SEC23IP: variants seen among roughly 807,000 people sequenced by gnomAD.
SEC23IP encodes the protein SEC23 interacting protein, also known as SEC23-interacting protein.
A neutral mutation model predicts 113.4 loss-of-function variants in SEC23IP; 70 were observed. That is an observed-to-expected ratio of 0.62 (90% CI 0.51 to 0.75). The LOEUF is 0.75. SEC23IP is among the 30% of genes least tolerant of loss of function. The pLI is 0.00. For missense variants in SEC23IP, 1,160 were observed against 1,204.9 expected, an observed-to-expected ratio of 0.96 and a Z score of 0.55; for synonymous variants, 398 against 421.0, an observed-to-expected ratio of 0.95 and a Z score of 0.67.
chr10:119,893,203 A>T (rs1054672731), intron 1 of SEC23IP, among the ~76,000 whole-genome samples: 14 of 152,144 alleles, frequency 9.2e-5, no homozygotes, highest in Non-Finnish European at 1.5e-4. Context: ...GGCATTCCGC[A>T]AATCTTTGCT....
chr10:119,940,388 C>T (rs1855926869), intron 18 of SEC23IP, among the ~76,000 whole-genome samples, 198 bp from the exon 19 acceptor site: 1 of 151,698 alleles, frequency 6.6e-6, no homozygotes, highest in South Asian at 2.1e-4. Flanking sequence ...GGGGTTTCAC[C>T]ATGTTAGTCA....
In SEC23IP at chr10:119,903,468, A is replaced by G. The variant is rs115082828; in HGVS notation, c.907+459A>G. Among the ~76,000 whole-genome samples, 426 of 152,336 alleles carry G rather than the reference A, an allele frequency of 2.8e-3. 3 individuals carry two copies. The highest frequency in any genetic ancestry group is 9.7e-3 in the African/African-American group (404 of 41,568). On this transcript the variant is annotated intron_variant, in intron 3 of 18. Transcript: ENST00000369075. ...AATGCTTTGAGAAGTCCTGCAGTGT[A>G]GAAATGTGTTTCTTTGTTTATCCTG...
At chr10:119,924,451 C>T (rs796414293) in intron 12 of SEC23IP, among the ~76,000 whole-genome samples, 25 of 151,848 alleles carry the variant, frequency 1.6e-4, no homozygotes, top group African/African-American at 3.6e-4. Context: ...GACGGAGTCC[C>T]GCTCTGTTGC....
rs1417340138 is a variant in SEC23IP, at chr10:119,942,424, G to A, written c.*1859G>A. 2 of 152,142 alleles carry A rather than the reference G, an allele frequency of 1.3e-5. No homozygotes were observed. Among genetic ancestry groups the A allele is most frequent in the Non-Finnish European group, 2.9e-5 (2 of 68,026 alleles). The allele number at this position is 152,142 out of a possible 1,614,324, so 9.4% of individuals were successfully genotyped here. On this transcript the variant is annotated 3_prime_UTR_variant, in exon 19 of 19. Transcript: ENST00000369075. ...AAAAACAGTAGATCCCCTGAGGGTAGAGTCTTTATGTATGAACATATTGTT... is the reference window on the plus strand; with the variant it reads ...AAAAACAGTAGATCCCCTGAGGGTAAAGTCTTTATGTATGAACATATTGTT...
At position 119,919,466 on chromosome 10, in the gene SEC23IP, C is replaced by G; in HGVS notation, c.1895C>G (p.Thr632Ser). The G allele has an allele frequency of 6.2e-7, 1 of 1,600,248 alleles. No individual in the cohort carries two copies. The highest frequency in any genetic ancestry group is 8.5e-7 in the Non-Finnish European group (1 of 1,176,582). ...EKQMPEEPKL[T>S]LDESYDLVVE... Reference sequence around the variant, plus strand: ...AAGATGCCTGAAGAGCCAAAGCTGACTTTGGATGAGTCGTATGACCTTGTT... The same window carrying G: ...AAGATGCCTGAAGAGCCAAAGCTGAGTTTGGATGAGTCGTATGACCTTGTT... Residue 632 changes from threonine to serine, a missense_variant, in exon 11 of 19, where the codon ACT (threonine) becomes AGT (serine). By Grantham distance (58) the Thr-to-Ser change is moderately conservative. Coordinates refer to ENST00000369075, the MANE Select transcript of SEC23IP (RefSeq NM_007190.4).
chr10:119,911,834 C>T (rs576879918), intron 5 of SEC23IP, among the ~76,000 whole-genome samples: 3 of 152,264 alleles, frequency 2.0e-5, no homozygotes, highest in South Asian at 2.1e-4. Context: ...TAATTTTCAA[C>T]ATAAGCATTG....
chr10:119,901,050 G>A (rs1455530646), intron 2 of SEC23IP, among the ~76,000 whole-genome samples: 7 of 143,658 alleles, frequency 4.9e-5, no homozygotes, highest in African/African-American at 1.3e-4. Context: ...AGAGTGGGGG[G>A]GGGGTCTTGC....
intron 15 of SEC23IP, 74 bp downstream of exon 15, chr10:119,930,505 C>T: frequency 1.2e-6 from 1 of 820,258 alleles, no homozygotes; most frequent in Non-Finnish European, 2.0e-6. Context: ...AATTTTGACA[C>T]TAAATCGTCT....
chr10:119,931,152 A>G (rs1268965499), intron 15 of SEC23IP, among the ~76,000 whole-genome samples: 1 of 151,898 alleles, frequency 6.6e-6, no homozygotes, highest in African/African-American at 2.4e-5. Flanking sequence ...TCATTTCTAA[A>G]TTGGAGTTTA....
Position 119,933,850 on chromosome 10 carries a change from G to C in SEC23IP, c.*20+63G>C. The C allele has an allele frequency of 3.8e-6, 3 of 799,160 alleles. No individual in the cohort carries two copies. In the South Asian group the frequency reaches 6.2e-5, roughly 16 times the overall value. 49.5% of individuals were successfully genotyped at this position (799,160 alleles called of 1,614,324 possible). On this transcript the variant is annotated intron_variant, in intron 18 of 18. Coordinates refer to ENST00000369075, the MANE Select transcript of SEC23IP (RefSeq NM_007190.4). ...TTTGCATTCTCAAATCTGTTGTATG[G>C]AGTTGATGTTGACTGATTTTGCTTT... is the stretch of plus-strand genomic sequence containing the variant.
intron 8 of SEC23IP, 74 bp downstream of exon 8, chr10:119,915,963 A>C: frequency 2.5e-6 from 3 of 1,213,406 alleles, no homozygotes; most frequent in Non-Finnish European, 2.2e-6. Context: ...AATATGAAAT[A>C]GTTTATTGTA....
chr10:119,909,009 T>C (rs757328831), intron 4 of SEC23IP, 32 bp from the exon 5 acceptor site: 20 of 1,422,528 alleles, frequency 1.4e-5, no homozygotes, highest in East Asian at 6.8e-5. Context: ...AAATTTGTCA[T>C]GTTGGAATAT....
intron 1 of SEC23IP, among the ~76,000 whole-genome samples, chr10:119,894,141 G>A (rs1854193520): frequency 6.6e-6 from 1 of 152,192 alleles, no homozygotes; most frequent in South Asian, 2.1e-4. Flanking sequence ...GCTAAGTATA[G>A]TGCGTGCCAG....
chr10:119,895,778 A>AT (rs1854262497), intron 1 of SEC23IP, among the ~76,000 whole-genome samples: 1 of 152,048 alleles, frequency 6.6e-6, no homozygotes, highest in African/African-American at 2.4e-5. Context: ...TGGGACAGGG[A>AT]TGGAGCTCAT....
In SEC23IP at chr10:119,917,859, C is replaced by G. The variant is rs765681617; in HGVS notation, c.1568C>G (p.Pro523Arg). The change falls in exon 9 of 19, where the codon CCA (proline) becomes CGA (arginine). Residue 523 changes from proline to arginine, a missense_variant. Transcript: ENST00000369075. ...AGGAATATTAAGAAAATCACTTTGC[C>G]AAGTATTGGTCGATTTCGTCACTTT... ...VDRNIKKITL[P>R]SIGRFRHFTN... The G allele has an allele frequency of 6.2e-7, 1 of 1,613,682 alleles. No homozygotes were observed. The highest frequency in any genetic ancestry group is 8.5e-7 in the Non-Finnish European group (1 of 1,179,752).
At chr10:119,922,376 G>A (rs1354024176) in intron 12 of SEC23IP, among the ~76,000 whole-genome samples, 1 of 152,170 alleles carries the variant, frequency 6.6e-6, no homozygotes, top group East Asian at 1.9e-4. Flanking sequence ...TCTCTTGTAA[G>A]GGAGTGGTTT....
chr10:119,926,870 T>C (rs1855440698), intron 13 of SEC23IP, among the ~76,000 whole-genome samples: 1 of 152,230 alleles, frequency 6.6e-6, no homozygotes, highest in Non-Finnish European at 1.5e-5. Context: ...AATGTTCCTT[T>C]ACAACTTCAT....
intron 8 of SEC23IP, 26 bp from the exon 9 acceptor site, chr10:119,917,810 T>C: frequency 3.2e-6 from 5 of 1,558,484 alleles, no homozygotes; most frequent in Non-Finnish European, 4.4e-6. Context: ...GCTGACTGAA[T>C]GTGCTGTATT....
chr10:119,906,980 T>G (rs77501604), intron 4 of SEC23IP, among the ~76,000 whole-genome samples: 64 of 151,596 alleles, frequency 4.2e-4, no homozygotes, highest in African/African-American at 1.5e-3. Flanking sequence ...TTTTTTTTTT[T>G]AAATCGAAGA....
Sources: allele counts gnomAD v4.1 joint callset (sites outside exome capture counted in the v4.1 genomes callset), GRCh38; gene constraint gnomAD v4.1.1; transcripts MANE v1.5; gene names NCBI Gene and HGNC (gene_info 2026-07-23, HGNC 2026-07-21).